Variants in ZNF341 observed in about 807,000 individuals in gnomAD.
ZNF341 encodes the protein zinc finger protein 341.
Under a neutral mutation model 87.7 loss-of-function variants are expected in ZNF341, and 52 were observed. The observed-to-expected ratio is 0.59, with a 90% CI of 0.47 to 0.75. The LOEUF is 0.75. Among genes scored for constraint, ZNF341 ranks in the 30% least tolerant of loss-of-function variants. The pLI is 0.00. For synonymous variants in ZNF341, 459 were observed against 472.7 expected, an observed-to-expected ratio of 0.97 and a Z score of 0.38; for missense variants, 977 against 1,145.9, an observed-to-expected ratio of 0.85 and a Z score of 2.13.
At chr20:33,763,818 A>G (rs1046893139) in intron 8 of ZNF341, among the ~76,000 whole-genome samples, 2 of 152,014 alleles carry the variant, frequency 1.3e-5, no homozygotes, top group African/African-American at 4.8e-5. Context: ...TCTTTCTTGC[A>G]TGAGGACTGA....
chr20:33,755,530 CTATT>C (rs906302977), intron 5 of ZNF341, among the ~76,000 whole-genome samples: 30 of 147,668 alleles, frequency 2.0e-4, no homozygotes, highest in African/African-American at 7.2e-4. Context: ...CTGTAGCTTT[CTATT>C]TATTTATATT....
At chr20:33,766,078 T>A (rs1437288099) in intron 8 of ZNF341, among the ~76,000 whole-genome samples, 1 of 151,954 alleles carries the variant, frequency 6.6e-6, no homozygotes, top group East Asian at 1.9e-4. Context: ...AGAGACGGGG[T>A]TTCACCATGT....
chr20:33,742,815 C>A (rs539778106), intron 2 of ZNF341, among the ~76,000 whole-genome samples: 14 of 152,126 alleles, frequency 9.2e-5, no homozygotes, highest in Non-Finnish European at 2.1e-4. Context: ...CGGTACAGTT[C>A]TATTGTTGTC....
chr20:33,740,415 A>G (rs1410965504), intron 1 of ZNF341, among the ~76,000 whole-genome samples: 1 of 152,178 alleles, frequency 6.6e-6, no homozygotes, highest in Non-Finnish European at 1.5e-5. Flanking sequence ...TTTGGGGGCC[A>G]TCTTTGCAGC....
At chr20:33,789,325 G>GA (rs906376225) in intron 13 of ZNF341, among the ~76,000 whole-genome samples, 193 bp from the exon 14 acceptor site, 10 of 152,108 alleles carry the variant, frequency 6.6e-5, no homozygotes, top group Non-Finnish European at 1.5e-4. Context: ...TTACAGGCGT[G>GA]AGCCACTGTG....
intron 9 of ZNF341, among the ~76,000 whole-genome samples, chr20:33,767,487 C>G (rs1327182228): frequency 1.3e-5 from 2 of 151,648 alleles, no homozygotes; most frequent in African/African-American, 4.9e-5. Flanking sequence ...CCAGGCTGGT[C>G]TCGAACTCCT....
At chr20:33,746,218 C>T (rs371815237) in intron 3 of ZNF341, among the ~76,000 whole-genome samples, 1,809 of 139,418 alleles carry the variant, frequency 0.013, 36 homozygotes, top group African/African-American at 0.048. Flanking sequence ...CGTGAGCCAC[C>T]GCGCCCGGCC....
chr20:33,756,039 A>G (rs1434913258), intron 5 of ZNF341, among the ~76,000 whole-genome samples: 1 of 151,996 alleles, frequency 6.6e-6, no homozygotes. Flanking sequence ...CTTGGGCAAC[A>G]TGGTGAAATC....
At chr20:33,737,719 T>C (rs944114878) in intron 1 of ZNF341, among the ~76,000 whole-genome samples, 1 of 152,078 alleles carries the variant, frequency 6.6e-6, no homozygotes, top group African/African-American at 2.4e-5. Context: ...ATGGTCCTCC[T>C]ACATGCAGAG....
chr20:33,767,357 A>C (rs1601267349), intron 9 of ZNF341, among the ~76,000 whole-genome samples: 1 of 145,706 alleles, frequency 6.9e-6, no homozygotes. Context: ...CTCACCTTGT[A>C]CTCCTGTCCT....
intron 5 of ZNF341, among the ~76,000 whole-genome samples, chr20:33,756,052 G>T (rs760886764): frequency 6.6e-6 from 1 of 151,934 alleles, no homozygotes; most frequent in Non-Finnish European, 1.5e-5. Flanking sequence ...GTGAAATCTT[G>T]TCTCTACAAA....
intron 1 of ZNF341, among the ~76,000 whole-genome samples, chr20:33,737,066 A>T (rs1310794705): frequency 1.3e-5 from 2 of 152,220 alleles, no homozygotes; most frequent in Non-Finnish European, 2.9e-5. Flanking sequence ...AGAGTGTTTC[A>T]GGGAGTGGCA....
At chr20:33,763,103 T>G (rs984221818) in intron 8 of ZNF341, among the ~76,000 whole-genome samples, 1 of 152,228 alleles carries the variant, frequency 6.6e-6, no homozygotes, top group Non-Finnish European at 1.5e-5. Flanking sequence ...GGAAATTTTC[T>G]GTCATCTAGT....
At chr20:33,764,001 T>C (rs1327285972) in intron 8 of ZNF341, among the ~76,000 whole-genome samples, 3 of 149,378 alleles carry the variant, frequency 2.0e-5, no homozygotes, top group Admixed American at 6.7e-5. Flanking sequence ...CTGGGCAATA[T>C]GGTAAAACCC....
At chr20:33,782,374 G>A (rs745974149) in intron 11 of ZNF341, among the ~76,000 whole-genome samples, 2 of 152,124 alleles carry the variant, frequency 1.3e-5, no homozygotes, top group African/African-American at 2.4e-5. Context: ...TTGGTTCAGC[G>A]GTGTTCCCCG....
chr20:33,743,742 G>A (rs1368342943), intron 2 of ZNF341, among the ~76,000 whole-genome samples: 3 of 152,208 alleles, frequency 2.0e-5, no homozygotes, highest in African/African-American at 7.2e-5. Flanking sequence ...TTGACACAGT[G>A]AGCGCATAGC....
intron 1 of ZNF341, among the ~76,000 whole-genome samples, chr20:33,739,486 C>T (rs1311621826): frequency 6.6e-6 from 1 of 152,210 alleles, no homozygotes; most frequent in Non-Finnish European, 1.5e-5. Context: ...CAGTGTACTA[C>T]TGTGAACTTC....
chr20:33,767,133 G>A (rs2019425218), intron 9 of ZNF341, 92 bp downstream of exon 9: 2 of 1,425,638 alleles, frequency 1.4e-6, no homozygotes, highest in African/African-American at 1.4e-5. Flanking sequence ...AAAGGGGTAG[G>A]AACCAGTGAG....
At chr20:33,775,445 G>A (rs1311109552) in intron 10 of ZNF341, among the ~76,000 whole-genome samples, 2 of 150,734 alleles carry the variant, frequency 1.3e-5, no homozygotes, top group Non-Finnish European at 2.9e-5. Flanking sequence ...CCCTGACCTC[G>A]TGATCTACCC....
Sources: gnomAD v4.1 joint callset for allele counts (sites outside exome capture counted in the v4.1 genomes callset) on GRCh38, gnomAD v4.1.1 for gene constraint, MANE v1.5 for transcripts, NCBI Gene and HGNC (gene_info 2026-07-23, HGNC 2026-07-21) for gene names.